Variants in CA10 observed in about 807,000 individuals in gnomAD.
The protein encoded by CA10 is carbonic anhydrase-related protein 10.
A neutral mutation model predicts 44.2 loss-of-function variants in CA10; 14 were observed. That is an observed-to-expected ratio of 0.32 (90% CI 0.21 to 0.50). The LOEUF is 0.50. Ranked by LOEUF, CA10 falls within the 20% of genes least tolerant of loss-of-function variation. CA10 has a pLI of 0.99. For missense variants in CA10, 350 were observed against 409.7 expected, an observed-to-expected ratio of 0.85 and a Z score of 1.26; for synonymous variants, 159 against 141.6, an observed-to-expected ratio of 1.12 and a Z score of -0.87.
intron 6 of CA10, among the ~76,000 whole-genome samples, chr17:51,638,880 CAG>C (rs1371054203): frequency 6.6e-6 from 1 of 151,982 alleles, no homozygotes; most frequent in Non-Finnish European, 1.5e-5. Context: ...CCACTGTAGA[CAG>C]AGCAATGCTA....
At chr17:51,915,439 C>T (rs1981955607) in intron 3 of CA10, among the ~76,000 whole-genome samples, 1 of 152,182 alleles carries the variant, frequency 6.6e-6, no homozygotes, top group African/African-American at 2.4e-5. Context: ...AAGTTCTCAC[C>T]AAGTGTGTAA....
At chr17:51,849,382 A>G (rs1978689519) in intron 3 of CA10, among the ~76,000 whole-genome samples, 1 of 151,448 alleles carries the variant, frequency 6.6e-6, no homozygotes, top group Non-Finnish European at 1.5e-5. Flanking sequence ...TTGAATGACC[A>G]TTCAAATAAA....
chr17:52,150,586 T>A (rs1349946852), intron 1 of CA10, among the ~76,000 whole-genome samples: 1 of 152,180 alleles, frequency 6.6e-6, no homozygotes, highest in Admixed American at 6.5e-5. Flanking sequence ...GTAAAATGGA[T>A]ATATCATTTA....
intron 2 of CA10, among the ~76,000 whole-genome samples, chr17:52,007,845 T>G (rs964875376): frequency 6.6e-6 from 1 of 151,544 alleles, no homozygotes; most frequent in African/African-American, 2.4e-5. Context: ...TTTATACCTA[T>G]AGTTTTCTAA....
intron 3 of CA10, among the ~76,000 whole-genome samples, chr17:51,877,778 G>A (rs1980143810): frequency 6.6e-6 from 1 of 152,010 alleles, no homozygotes; most frequent in African/African-American, 2.4e-5. Context: ...TCATTAACCA[G>A]CAACTTTTTC....
intron 1 of CA10, among the ~76,000 whole-genome samples, chr17:52,089,448 G>A (rs1215080239): frequency 3.9e-5 from 6 of 152,136 alleles, no homozygotes; most frequent in Non-Finnish European, 8.8e-5. Context: ...GGAAGGCACT[G>A]TTCTAAGCAT....
intron 1 of CA10, among the ~76,000 whole-genome samples, chr17:52,093,569 T>A (rs555728997): frequency 1.6e-4 from 24 of 152,304 alleles, no homozygotes; most frequent in African/African-American, 5.5e-4. Context: ...ACTTAACTTT[T>A]GTGTTGTTAT....
intron 4 of CA10, among the ~76,000 whole-genome samples, chr17:51,690,634 T>C (rs1473345555): frequency 2.0e-5 from 3 of 152,232 alleles, no homozygotes; most frequent in African/African-American, 7.2e-5. Flanking sequence ...GCAGTTCCCC[T>C]GCACATGCTC....
At chr17:52,122,517 C>T (rs970158746) in intron 1 of CA10, among the ~76,000 whole-genome samples, 1 of 152,098 alleles carries the variant, frequency 6.6e-6, no homozygotes, top group African/African-American at 2.4e-5. Context: ...TTCCTGGTGG[C>T]ACCCTCTTAA....
At chr17:52,156,032 A>C (rs1240149156) in intron 1 of CA10, among the ~76,000 whole-genome samples, 1 of 152,192 alleles carries the variant, frequency 6.6e-6, no homozygotes, top group Non-Finnish European at 1.5e-5. Context: ...GGCTGGGGAC[A>C]GAGAGGATGC....
At chr17:52,083,402 A>T in intron 1 of CA10, among the ~76,000 whole-genome samples, 1 of 152,340 alleles carries the variant, frequency 6.6e-6, no homozygotes, top group East Asian at 1.9e-4. Context: ...GAATTATTTC[A>T]TCTCTTTTTA....
rs1012900920 is a variant in CA10 at position 52,028,812 on chromosome 17, A to G, written c.136+43507T>C. Among the ~76,000 whole-genome samples the G allele has an allele frequency of 2.6e-5, 4 of 152,224 alleles. No individual in the cohort carries two copies. The East Asian group carries it at 7.7e-4, about 29-fold the overall frequency. On this transcript the variant is annotated intron_variant, in intron 2 of 8. Transcript: ENST00000451037. ...AACCCACAAAATTGTTGACTCTTAG[A>G]GTGCCCACAAAGCTTCTGCTGTGAC...
chr17:52,035,594 T>A (rs1986593788), intron 2 of CA10, among the ~76,000 whole-genome samples: 1 of 152,182 alleles, frequency 6.6e-6, no homozygotes, highest in Non-Finnish European at 1.5e-5. Context: ...ATTTAAGCCA[T>A]CCACAGATGG....
At chr17:51,983,228 C>G (rs1397294145) in intron 2 of CA10, among the ~76,000 whole-genome samples, 1 of 151,858 alleles carries the variant, frequency 6.6e-6, no homozygotes, top group East Asian at 1.9e-4. Flanking sequence ...GCTTTCTTCA[C>G]ATCAGCAAAC....
chr17:51,717,330 CA>C (rs1916142971), intron 4 of CA10, among the ~76,000 whole-genome samples: 1 of 151,700 alleles, frequency 6.6e-6, no homozygotes, highest in Non-Finnish European at 1.5e-5. Context: ...CTGGCTAGCC[CA>C]ACATTGGCCT....
intron 3 of CA10, among the ~76,000 whole-genome samples, chr17:51,919,234 G>T (rs1982127732): frequency 6.6e-6 from 1 of 152,014 alleles, no homozygotes; most frequent in Non-Finnish European, 1.5e-5. Context: ...CCTTTAATAG[G>T]ATTCAAAGTG....
chr17:52,032,441 T>G (rs903698913), intron 2 of CA10, among the ~76,000 whole-genome samples: 1 of 152,154 alleles, frequency 6.6e-6, no homozygotes, highest in Non-Finnish European at 1.5e-5. Flanking sequence ...AATCTAATTA[T>G]CTCATGAAAC....
At chr17:52,049,140 C>T (rs978553593) in intron 2 of CA10, among the ~76,000 whole-genome samples, 1 of 152,040 alleles carries the variant, frequency 6.6e-6, no homozygotes, top group African/African-American at 2.4e-5. Context: ...GAAGGCTAAA[C>T]AGGAGCAGAA....
chr17:51,789,276 A>G (rs911150804), intron 3 of CA10, among the ~76,000 whole-genome samples: 2 of 151,386 alleles, frequency 1.3e-5, no homozygotes, highest in African/African-American at 4.8e-5. Flanking sequence ...CTGGCCTCCC[A>G]CAGTGCTGGG....
Sources: allele counts gnomAD v4.1 joint callset (sites outside exome capture counted in the v4.1 genomes callset), GRCh38; gene constraint gnomAD v4.1.1; transcripts MANE v1.5; gene names NCBI Gene and HGNC (gene_info 2026-07-23, HGNC 2026-07-21).